Variants in GRIK4 observed in about 807,000 individuals in gnomAD.
GRIK4 encodes the protein glutamate ionotropic receptor kainate type subunit 4, also known as glutamate receptor ionotropic, kainate 4.
A neutral mutation model predicts 104.9 loss-of-function variants in GRIK4; 40 were observed. The observed-to-expected ratio is 0.38, with a 90% CI of 0.30 to 0.50. GRIK4 has a LOEUF of 0.50. Among genes scored for constraint, GRIK4 ranks in the 20% least tolerant of loss-of-function variants. The pLI is 0.93. For missense variants in GRIK4, 1,047 were observed against 1,308.1 expected, an observed-to-expected ratio of 0.80 and a Z score of 3.08; for synonymous variants, 485 against 524.9, an observed-to-expected ratio of 0.92 and a Z score of 1.04.
intron 13 of GRIK4, among the ~76,000 whole-genome samples, chr11:120,932,333 G>C (rs1418699375): frequency 6.6e-6 from 1 of 152,122 alleles, no homozygotes; most frequent in Non-Finnish European, 1.5e-5. Flanking sequence ...CTGAGCATTA[G>C]AGAGGAGGAA....
chr11:120,947,915 C>T (rs1747431909), intron 14 of GRIK4, among the ~76,000 whole-genome samples: 2 of 152,122 alleles, frequency 1.3e-5, no homozygotes, highest in South Asian at 4.2e-4. Flanking sequence ...GATTTTCAGC[C>T]AGTAAGTGAA....
intron 8 of GRIK4, among the ~76,000 whole-genome samples, chr11:120,838,013 A>G (rs1953620195): frequency 6.6e-6 from 1 of 152,162 alleles, no homozygotes; most frequent in African/African-American, 2.4e-5. Context: ...TAGCAGATGG[A>G]AGGAAGCCAT....
intron 3 of GRIK4, among the ~76,000 whole-genome samples, chr11:120,665,825 G>A (rs1322546415): frequency 6.6e-6 from 1 of 152,162 alleles, no homozygotes; most frequent in African/African-American, 2.4e-5. Flanking sequence ...AACACATTTT[G>A]GGGTGACTGA....
intron 1 of GRIK4, among the ~76,000 whole-genome samples, chr11:120,569,210 G>C (rs1262977989): frequency 6.6e-6 from 1 of 152,202 alleles, no homozygotes; most frequent in East Asian, 1.9e-4. Context: ...TACCAGGCAC[G>C]CCCCGCCCCA....
intron 1 of GRIK4, among the ~76,000 whole-genome samples, chr11:120,578,638 C>T (rs986525107): frequency 2.0e-5 from 3 of 152,210 alleles, no homozygotes; most frequent in Non-Finnish European, 4.4e-5. Flanking sequence ...GCACTCAGTA[C>T]AACTTGGTGG....
At chr11:120,730,001 C>A (rs73012331) in intron 3 of GRIK4, among the ~76,000 whole-genome samples, 5,337 of 152,222 alleles carry the variant, frequency 0.035, 122 homozygotes, top group East Asian at 0.093. Context: ...GCTTTCCCAG[C>A]AACATTTATT....
At chr11:120,887,063 GTTC>G (rs1306223493) in intron 11 of GRIK4, among the ~76,000 whole-genome samples, 7 of 152,326 alleles carry the variant, frequency 4.6e-5, no homozygotes, top group Admixed American at 2.0e-4. Flanking sequence ...TTCTTGGAAA[GTTC>G]TTCTATCTAT....
chr11:120,830,458 C>G (rs56693641), intron 6 of GRIK4, among the ~76,000 whole-genome samples: 1 of 152,268 alleles, frequency 6.6e-6, no homozygotes, highest in East Asian at 1.9e-4. Context: ...GGGAGGCTCT[C>G]CCTCCTTTTT....
chr11:120,535,005 C>T (rs1315434370), intron 1 of GRIK4, among the ~76,000 whole-genome samples: 1 of 152,204 alleles, frequency 6.6e-6, no homozygotes, highest in African/African-American at 2.4e-5. Flanking sequence ...AGAGTTTACT[C>T]CCTGCAGTAA....
chr11:120,668,540 G>A (rs1394316169), intron 3 of GRIK4, among the ~76,000 whole-genome samples: 1 of 152,184 alleles, frequency 6.6e-6, no homozygotes, highest in African/African-American at 2.4e-5. Flanking sequence ...CAACCTGAAC[G>A]GGGTTGACTG....
intron 19 of GRIK4, among the ~76,000 whole-genome samples, chr11:120,981,887 C>T (rs1029231866): frequency 6.6e-6 from 1 of 152,192 alleles, no homozygotes; most frequent in Non-Finnish European, 1.5e-5. Flanking sequence ...GGCAAGATCT[C>T]TCTCTTCCAT....
At chr11:120,540,107 T>C (rs1948017328) in intron 1 of GRIK4, among the ~76,000 whole-genome samples, 1 of 152,154 alleles carries the variant, frequency 6.6e-6, no homozygotes. Context: ...CAGGAGGCTC[T>C]TCCAGGTCTC....
intron 1 of GRIK4, among the ~76,000 whole-genome samples, chr11:120,650,683 G>A (rs1197841176): frequency 3.3e-5 from 5 of 152,194 alleles, no homozygotes; most frequent in African/African-American, 1.2e-4. Context: ...GGCAGGGACT[G>A]TATATATCCC....
At chr11:120,651,826 G>A (rs1317413183) in intron 1 of GRIK4, among the ~76,000 whole-genome samples, 1 of 152,164 alleles carries the variant, frequency 6.6e-6, no homozygotes, top group African/African-American at 2.4e-5. Flanking sequence ...TCTGTTGCTG[G>A]CCCCCTTATT....
At position 120,549,345 on chromosome 11, in the gene GRIK4, A is replaced by T. The variant is rs1401842004; in HGVS notation, c.-159+37458A>T. ...CTGGTCTCAAACTCTTGACCTCATG[A>T]TGCACCCACCTTGGACTCCCAAAGT... On this transcript the variant is annotated intron_variant, in intron 1 of 20. Transcript: ENST00000527524. The surrounding 1 kb of genome is among the most constrained non-coding windows in gnomAD (Gnocchi z 4.7). 2.0e-5 allele frequency among the ~76,000 whole-genome samples: 3 copies of T among 151,942 alleles called. No individual in the cohort carries two copies. Among genetic ancestry groups the T allele is most frequent in the Non-Finnish European group, 4.4e-5 (3 of 67,966 alleles).
intron 3 of GRIK4, among the ~76,000 whole-genome samples, chr11:120,702,824 C>T (rs1346551424): frequency 6.6e-6 from 1 of 152,156 alleles, no homozygotes; most frequent in Non-Finnish European, 1.5e-5. Flanking sequence ...ACGTTTCTAT[C>T]TGAGTAGAGC....
chr11:120,735,657 C>G (rs2135399071), intron 3 of GRIK4, among the ~76,000 whole-genome samples: 1 of 151,016 alleles, frequency 6.6e-6, no homozygotes, highest in East Asian at 2.0e-4. Context: ...CAAAGTGGGT[C>G]TATAGATACT....
intron 8 of GRIK4, among the ~76,000 whole-genome samples, chr11:120,840,672 G>A (rs561039932): frequency 5.3e-5 from 8 of 152,278 alleles, no homozygotes; most frequent in African/African-American, 1.7e-4. Context: ...AACAAATTAA[G>A]AGAAATAAAA....
At chr11:120,533,158 A>G (rs1186536920) in intron 1 of GRIK4, among the ~76,000 whole-genome samples, 1 of 152,174 alleles carries the variant, frequency 6.6e-6, no homozygotes, top group Non-Finnish European at 1.5e-5. Context: ...CATTTCAATA[A>G]ACAAGGAGGA....
Sources: allele counts gnomAD v4.1 joint callset (sites outside exome capture counted in the v4.1 genomes callset), GRCh38; gene constraint gnomAD v4.1.1; non-coding constraint Gnocchi (gnomAD v3.1); transcripts MANE v1.5; gene names NCBI Gene and HGNC (gene_info 2026-07-23, HGNC 2026-07-21).